The following TRPM1 variants were observed in gnomAD, a reference collection of about 807,000 sequenced individuals.
The protein encoded by TRPM1 is TRPM1-203 APA Isoform, Intron 10.
A neutral mutation model predicts 149.4 loss-of-function variants in TRPM1; 113 were observed. That is an observed-to-expected ratio of 0.76 (90% CI 0.65 to 0.88). The LOEUF is 0.88. Among genes scored for constraint, TRPM1 ranks in the 40% least tolerant of loss-of-function variants. The pLI, the probability that TRPM1 is intolerant of heterozygous loss-of-function variation, is 0.00. For missense variants in TRPM1, 1,976 were observed against 2,038.7 expected (o/e 0.97, Z 0.59); for synonymous variants, 741 against 759.5 (o/e 0.98, Z 0.40).
At chr15:31,085,918 G>A (rs73374058) in intron 1 of TRPM1, among the ~76,000 whole-genome samples, 9,264 of 152,162 alleles carry the variant, frequency 0.061, 511 homozygotes, top group African/African-American at 0.14. Context: ...CAGGCCTCAC[G>A]CTTAGAGAAA....
At chr15:31,013,449 A>C (rs1469537718) in intron 27 of TRPM1, among the ~76,000 whole-genome samples, 2 of 152,054 alleles carry the variant, frequency 1.3e-5, no homozygotes, top group Admixed American at 1.3e-4. Context: ...AGTTCTTTAG[A>C]GATGATTTCC....
At chr15:31,132,947 T>C (rs906524379) in intron 1 of TRPM1, among the ~76,000 whole-genome samples, 2 of 152,248 alleles carry the variant, frequency 1.3e-5, no homozygotes, top group Non-Finnish European at 2.9e-5. Flanking sequence ...TGTGGAAATG[T>C]AAGTCCATTA....
chr15:31,023,117 C>T (rs1393906771), intron 27 of TRPM1, among the ~76,000 whole-genome samples: 4 of 152,216 alleles, frequency 2.6e-5, no homozygotes, highest in Non-Finnish European at 5.9e-5. Context: ...CAGACATGGC[C>T]CTGCCTTCAT....
In TRPM1 at chr15:31,001,651, A is replaced by G; in HGVS notation, c.*171T>C. ...TGCAACTGAAAAAACTAAGCCTACT[A>G]ACATATGCTAACAAAATACTACTTT... On this transcript the variant is annotated 3_prime_UTR_variant, in exon 28 of 28. Transcript: ENST00000256552. The G allele has an allele frequency of 1.5e-6, 1 of 675,378 alleles. No homozygotes were observed. The highest frequency in any genetic ancestry group is 2.5e-6 in the Non-Finnish European group (1 of 404,804). 41.8% of individuals were successfully genotyped at this position (675,378 alleles called of 1,614,324 possible). A position where few individuals can be genotyped will look rare whatever the true frequency, so the allele number is the denominator to read the frequency against.
At chr15:31,118,213 G>T (rs1222725096) in intron 1 of TRPM1, among the ~76,000 whole-genome samples, 2 of 151,878 alleles carry the variant, frequency 1.3e-5, no homozygotes. Flanking sequence ...AGCTGAGATT[G>T]CACCACTGCA....
At chr15:31,028,285 G>T in intron 25 of TRPM1, 47 bp downstream of exon 25, 1 of 1,611,544 alleles carries the variant, frequency 6.2e-7, no homozygotes, top group Non-Finnish European at 8.5e-7. Flanking sequence ...TGGAAAATCT[G>T]TACAGTAATA....
At chr15:31,066,933 C>T in intron 6 of TRPM1, 130 bp downstream of exon 6, 1 of 1,219,554 alleles carries the variant, frequency 8.2e-7, no homozygotes, top group Non-Finnish European at 1.2e-6. Context: ...AAGATGTTAC[C>T]ATTGGAGGAA....
chr15:31,066,360 A>G (rs1231500301), intron 6 of TRPM1, 113 bp from the exon 7 acceptor site: 2 of 1,146,948 alleles, frequency 1.7e-6, no homozygotes, highest in Admixed American at 3.9e-5. Context: ...TTATTCTCAC[A>G]TCTCTACCCT....
In TRPM1 at chr15:31,035,240, A is replaced by C. The variant is rs1301797378; in HGVS notation, c.2700+306T>G. Among the ~76,000 whole-genome samples, 3 of 152,252 alleles carry C rather than the reference A, an allele frequency of 2.0e-5. No homozygotes were observed. In the East Asian group the frequency reaches 5.8e-4, roughly 29 times the overall value. On this transcript the variant is annotated intron_variant, in intron 21 of 27. Coordinates refer to ENST00000256552, the MANE Select transcript of TRPM1 (RefSeq NM_001252024.2). ...GCTGGTTTCGAATTACTGCTATCTC[A>C]AGTGATCCTCACACCTCAGCCTCCC...
At chr15:31,099,711 A>T (rs1261811797) in intron 1 of TRPM1, among the ~76,000 whole-genome samples, 1 of 152,242 alleles carries the variant, frequency 6.6e-6, no homozygotes, top group African/African-American at 2.4e-5. Flanking sequence ...CAGCAAACAC[A>T]TTCAACATGA....
At chr15:31,142,877 T>C (rs2036178124) in intron 1 of TRPM1, among the ~76,000 whole-genome samples, 1 of 152,218 alleles carries the variant, frequency 6.6e-6, no homozygotes, top group Admixed American at 6.5e-5. Flanking sequence ...TTGTATACAT[T>C]ACTAAGGTGT....
chr15:31,012,107 T>A (rs2140878416), intron 27 of TRPM1, among the ~76,000 whole-genome samples: 1 of 152,352 alleles, frequency 6.6e-6, no homozygotes, highest in Non-Finnish European at 1.5e-5. Flanking sequence ...TTGCTTTATG[T>A]GGTTGTCTTG....
chr15:31,132,162 A>T (rs1028942850), intron 1 of TRPM1, among the ~76,000 whole-genome samples: 1 of 152,210 alleles, frequency 6.6e-6, no homozygotes, highest in African/African-American at 2.4e-5. Flanking sequence ...GCATGGGCCT[A>T]TTGGCAGCCG....
chr15:31,107,244 G>C (rs2035618971), intron 1 of TRPM1, among the ~76,000 whole-genome samples: 1 of 152,112 alleles, frequency 6.6e-6, no homozygotes, highest in South Asian at 2.1e-4. Context: ...CTTTTTATAG[G>C]TCTGTTCAGA....
intron 27 of TRPM1, among the ~76,000 whole-genome samples, chr15:31,016,944 C>A (rs961927669): frequency 6.7e-6 from 1 of 150,050 alleles, no homozygotes; most frequent in Non-Finnish European, 1.5e-5. Context: ...ATGCCCTAAT[C>A]AGTCTCAAAA....
In TRPM1 at chr15:31,133,668, C is replaced by T. The variant is rs536573135; in HGVS notation, c.54+27238G>A. On this transcript the variant is annotated intron_variant, in intron 1 of 26. Coordinates refer to the TRPM1 transcript ENST00000542188. ...CGACACTCCAGCCTAGGTGACAGAGCGAGACTGTCTCAAAAACAAAACAAA... is the reference window on the plus strand; with the variant it reads ...CGACACTCCAGCCTAGGTGACAGAGTGAGACTGTCTCAAAAACAAAACAAA... Among the ~76,000 whole-genome samples, 267 of 146,946 alleles carry T rather than the reference C, an allele frequency of 1.8e-3. 1 individual carries two copies. The highest frequency in any genetic ancestry group is 6.1e-3 in the African/African-American group (240 of 39,514).
chr15:31,143,862 A>C (rs1358405634), intron 1 of TRPM1, among the ~76,000 whole-genome samples: 3 of 152,054 alleles, frequency 2.0e-5, no homozygotes, highest in Admixed American at 2.0e-4. Flanking sequence ...TTCAGAAGCT[A>C]TTTGTGAGTA....
At chr15:31,082,285 A>C (rs2034881788) in intron 1 of TRPM1, among the ~76,000 whole-genome samples, 2 of 152,192 alleles carry the variant, frequency 1.3e-5, no homozygotes, top group Non-Finnish European at 2.9e-5. Context: ...GAGCACTGGC[A>C]CTGGAGATGG....
intron 1 of TRPM1, among the ~76,000 whole-genome samples, chr15:31,138,975 G>T (rs957911130): frequency 1.3e-5 from 2 of 151,970 alleles, no homozygotes; most frequent in Non-Finnish European, 1.5e-5. Context: ...TGGCCATTTT[G>T]CCTGAACTAG....
Sources: gnomAD v4.1 joint callset for allele counts (sites outside exome capture counted in the v4.1 genomes callset) on GRCh38, gnomAD v4.1.1 for gene constraint, MANE v1.5 for transcripts, NCBI Gene and HGNC (gene_info 2026-07-23, HGNC 2026-07-21) for gene names.